Variants in EYA3 observed in about 807,000 individuals in gnomAD.
EYA3 encodes protein phosphatase EYA3.
EYA3 carries 39 observed loss-of-function variants against 80.0 expected under a neutral mutation model. The ratio of observed to expected loss-of-function variants is 0.49; its 90% CI spans 0.38 to 0.64. The LOEUF is 0.64. EYA3 is among the 30% of genes least tolerant of loss of function. EYA3 has a pLI of 0.00. For missense variants in EYA3, 523 were observed against 676.1 expected (o/e 0.77, Z 2.51); for synonymous variants, 206 against 232.8 (o/e 0.88, Z 1.05).
At chr1:28,044,370 C>T (rs922196672) in intron 3 of EYA3, among the ~76,000 whole-genome samples, 20 of 152,160 alleles carry the variant, frequency 1.3e-4, no homozygotes, top group African/African-American at 4.8e-4. Context: ...TGAAACCTAC[C>T]TCATAGGGCT....
chr1:28,047,143 C>CT lies in EYA3; in HGVS notation c.77+1239dup, dbSNP rs879634856. ...CCACCACACCTGGCCAGTTAAGTTC[C>CT]TTTTTTTTTTTGAGACAGAGTCTTT... is the stretch of plus-strand genomic sequence containing the variant. On this transcript the variant is annotated intron_variant, in intron 3 of 17. Coordinates refer to ENST00000373871, the MANE Select transcript of EYA3 (RefSeq NM_001990.4). Among the ~76,000 whole-genome samples, 1,291 of 143,796 alleles carry CT rather than the reference C, an allele frequency of 9.0e-3. 7 individuals carry two copies. Among genetic ancestry groups the CT allele is most frequent in the Non-Finnish European group, 0.011 (750 of 65,378 alleles). The allele number at this position is 143,796 out of a possible 152,430, so 94.3% of individuals were successfully genotyped here. A position where few individuals can be genotyped will look rare whatever the true frequency, so the allele number is the denominator to read the frequency against.
chr1:27,974,341 A>AAG lies in EYA3; in HGVS notation c.*123_*124dup, dbSNP rs1184629527. ...AGAGAGGGAGAGAGAGAAAGAGAGAAAGAGAGAGAGATAGAGACAGAGACA... is the reference window on the plus strand; with the variant it reads ...AGAGAGGGAGAGAGAGAAAGAGAGAAAGAGAGAGAGAGATAGAGACAGAGACA... On this transcript the variant is annotated 3_prime_UTR_variant, in exon 18 of 18. Coordinates refer to ENST00000373871, the MANE Select transcript of EYA3 (RefSeq NM_001990.4). 1.1e-5 allele frequency: 6 copies of AAG among 565,758 alleles called. No individual in the cohort carries two copies. The highest frequency in any genetic ancestry group is 6.0e-5 in the East Asian group (2 of 33,286). 35.0% of individuals were successfully genotyped at this position (565,758 alleles called of 1,614,324 possible).
At chr1:28,048,777 G>T (rs1024651620) in intron 2 of EYA3, among the ~76,000 whole-genome samples, 2 of 152,096 alleles carry the variant, frequency 1.3e-5, no homozygotes, top group Non-Finnish European at 2.9e-5. Flanking sequence ...GTAAAGATGG[G>T]AATCTAAGTA....
intron 17 of EYA3, among the ~76,000 whole-genome samples, chr1:27,975,525 G>T (rs1452308396): frequency 7.1e-6 from 1 of 141,768 alleles, no homozygotes; most frequent in African/African-American, 2.7e-5. Context: ...TCACTCTGTC[G>T]CCCAGGCTGG....
chr1:28,071,954 ACT>A (rs1645032433), intron 1 of EYA3, among the ~76,000 whole-genome samples: 1 of 152,118 alleles, frequency 6.6e-6, no homozygotes, highest in South Asian at 2.1e-4. Context: ...CTTGATAAAG[ACT>A]CTTAATTGAA....
At chr1:28,021,544 A>C (rs1642435026) in intron 7 of EYA3, among the ~76,000 whole-genome samples, 1 of 152,068 alleles carries the variant, frequency 6.6e-6, no homozygotes, top group African/African-American at 2.4e-5. Context: ...ATGGTCAATA[A>C]ATATTTGTGG....
At chr1:27,989,922 C>T (rs1571726475) in intron 14 of EYA3, 111 bp from the exon 15 acceptor site, 2 of 547,548 alleles carry the variant, frequency 3.7e-6, no homozygotes, top group Non-Finnish European at 6.4e-6. Flanking sequence ...AAATATTCTA[C>T]TGAGTATGTT....
intron 2 of EYA3, among the ~76,000 whole-genome samples, chr1:28,055,621 C>T (rs958478950): frequency 6.6e-6 from 1 of 152,054 alleles, no homozygotes; most frequent in Non-Finnish European, 1.5e-5. Flanking sequence ...CAGGCAAGTG[C>T]CACCACACCT....
At chr1:28,016,222 T>C (rs1642054059) in intron 8 of EYA3, among the ~76,000 whole-genome samples, 1 of 152,064 alleles carries the variant, frequency 6.6e-6, no homozygotes, top group Non-Finnish European at 1.5e-5. Flanking sequence ...TCAATAAATA[T>C]TTGTGGACTA....
chr1:28,026,808 T>C (rs1410602687), intron 7 of EYA3, among the ~76,000 whole-genome samples: 2 of 149,766 alleles, frequency 1.3e-5, no homozygotes, highest in Admixed American at 1.3e-4. Context: ...GGAGACTTGG[T>C]AAACAACAGG....
At chr1:28,083,249 C>T (rs895368095) in intron 1 of EYA3, among the ~76,000 whole-genome samples, 1 of 152,058 alleles carries the variant, frequency 6.6e-6, no homozygotes. Flanking sequence ...TGGCTGGGCA[C>T]GGTGGCTCAC....
At position 27,999,972 on chromosome 1, in the gene EYA3, G is replaced by C; in HGVS notation, c.1071C>G (p.Phe357Leu). 1 of 1,606,884 alleles carries C rather than the reference G, an allele frequency of 6.2e-7. No homozygotes were observed. Among genetic ancestry groups the C allele is most frequent in the Non-Finnish European group, 8.5e-7 (1 of 1,176,338 alleles). ...TTAAAATGCTTACCTCTAAGTCATT[G>C]AAAAATAGATGAGTATCAGCCACTT... Reference protein sequence around the residue: ...IFEVADTHLFFNDLEECDQVH... With the variant: ...IFEVADTHLFLNDLEECDQVH... Residue 357 changes from phenylalanine (F) to leucine (L), a missense_variant, in exon 12 of 18, where the codon TTC becomes TTG. Phe to Leu is a conservative substitution (Grantham distance 22). Transcript: ENST00000373871.
chr1:27,996,202 G>A (rs547113406), intron 13 of EYA3, among the ~76,000 whole-genome samples: 1 of 152,262 alleles, frequency 6.6e-6, no homozygotes, highest in East Asian at 1.9e-4. Context: ...CTAAACTCTG[G>A]AGTAATTTGT....
chr1:27,979,108 G>A (rs1639139105), intron 16 of EYA3, among the ~76,000 whole-genome samples: 1 of 152,172 alleles, frequency 6.6e-6, no homozygotes, highest in Non-Finnish European at 1.5e-5. Flanking sequence ...CAAGCAAGTA[G>A]CTAGAACTTG....
At chr1:28,085,118 G>T (rs2148965878) in intron 1 of EYA3, among the ~76,000 whole-genome samples, 1 of 152,284 alleles carries the variant, frequency 6.6e-6, no homozygotes, top group South Asian at 2.1e-4. Flanking sequence ...AAGTGACAAG[G>T]ACTTGTTGGA....
chr1:28,033,766 T>C lies in EYA3; in HGVS notation c.361+1778A>G, dbSNP rs183717493. Among the ~76,000 whole-genome samples the C allele has an allele frequency of 1.0e-3, 159 of 151,834 alleles. 1 individual carries two copies. The highest frequency in any genetic ancestry group is 3.8e-3 in the African/African-American group (156 of 41,478). ...GTCTCCCAGGTTCGAGTGATTCTCA[T>C]GCCTCAGCCTCCTGAGTAGCTGGGA... On this transcript the variant is annotated intron_variant, in intron 6 of 17. Coordinates refer to ENST00000373871, the MANE Select transcript of EYA3 (RefSeq NM_001990.4).
At position 28,007,152 on chromosome 1, in the gene EYA3, C is replaced by T. The variant is rs1051533761; in HGVS notation, c.910-2733G>A. On this transcript the variant is annotated intron_variant, in intron 10 of 17. Coordinates refer to ENST00000373871, the MANE Select transcript of EYA3 (RefSeq NM_001990.4). ...TTTCAGTAGAGACAGGGTTTTGCCA[C>T]GTTGACCAGGCTGGTCTCAAATTCC... is the stretch of plus-strand genomic sequence containing the variant. Among the ~76,000 whole-genome samples, 17 of 151,416 alleles carry T rather than the reference C, an allele frequency of 1.1e-4. No individual in the cohort carries two copies. The East Asian group carries it at 1.6e-3, about 14-fold the overall frequency.
intron 10 of EYA3, among the ~76,000 whole-genome samples, chr1:28,006,445 G>A (rs186695365): frequency 1.6e-4 from 24 of 152,262 alleles, no homozygotes; most frequent in Admixed American, 1.5e-3. Context: ...GGTGGCTCAC[G>A]CCTGCAATCC....
rs369500183 is a variant in EYA3, at chr1:28,003,547, T to A, written c.993+789A>T. On this transcript the variant is annotated intron_variant, in intron 11 of 17. Coordinates refer to ENST00000373871, the MANE Select transcript of EYA3 (RefSeq NM_001990.4). Reference sequence around the variant, plus strand: ...AACATTAGTAACCATATGAAATAACTGGAAGTAACAGGACAGGTAAAGGAG... The same window carrying A: ...AACATTAGTAACCATATGAAATAACAGGAAGTAACAGGACAGGTAAAGGAG... Among the ~76,000 whole-genome samples the A allele has an allele frequency of 3.8e-4, 58 of 152,136 alleles. No individual in the cohort carries two copies. In the South Asian group the frequency reaches 0.012, roughly 31 times the overall value.
Sources: gnomAD v4.1 joint callset for allele counts (sites outside exome capture counted in the v4.1 genomes callset) on GRCh38, gnomAD v4.1.1 for gene constraint, MANE v1.5 for transcripts, NCBI Gene and HGNC (gene_info 2026-07-23, HGNC 2026-07-21) for gene names.